CNTNAP2: variants seen among roughly 807,000 people sequenced by gnomAD.
CNTNAP2 encodes contactin-associated protein-like 2.
Under a neutral mutation model 155.2 loss-of-function variants are expected in CNTNAP2, and 98 were observed. The observed-to-expected ratio is 0.63, with a 90% CI of 0.54 to 0.75. The LOEUF (loss-of-function observed/expected upper bound fraction) is 0.75, where lower values mean the gene tolerates loss of function less well. Ranked by LOEUF, CNTNAP2 falls within the 30% of genes least tolerant of loss-of-function variation. CNTNAP2 has a pLI of 0.00. For missense variants in CNTNAP2, 1,727 were observed against 1,688.1 expected (o/e 1.02, Z -0.40); for synonymous variants, 651 against 631.2 (o/e 1.03, Z -0.47).
chr7:146,694,913 A>C (rs1032489177), intron 1 of CNTNAP2, among the ~76,000 whole-genome samples: 52 of 152,222 alleles, frequency 3.4e-4, no homozygotes, highest in African/African-American at 1.2e-3. Context: ...GGTATATAGG[A>C]AAACAACTTT....
At chr7:146,547,520 A>G (rs1270883579) in intron 1 of CNTNAP2, among the ~76,000 whole-genome samples, 1 of 151,850 alleles carries the variant, frequency 6.6e-6, no homozygotes, top group Non-Finnish European at 1.5e-5. Flanking sequence ...CCTGGAAACC[A>G]CCATTATGGT....
At chr7:146,696,363 T>C (rs1214996101) in intron 1 of CNTNAP2, among the ~76,000 whole-genome samples, 1 of 152,204 alleles carries the variant, frequency 6.6e-6, no homozygotes, top group Non-Finnish European at 1.5e-5. Flanking sequence ...ATGAAGTCAA[T>C]GTTAATTACT....
chr7:146,930,493 T>A (rs1796724950), intron 3 of CNTNAP2, among the ~76,000 whole-genome samples: 1 of 152,146 alleles, frequency 6.6e-6, no homozygotes, highest in East Asian at 1.9e-4. Flanking sequence ...CATACCAAAT[T>A]GTAAAGACCA....
intron 1 of CNTNAP2, among the ~76,000 whole-genome samples, chr7:146,306,211 A>C (rs61605902): frequency 5.3e-5 from 8 of 152,082 alleles, no homozygotes; most frequent in Non-Finnish European, 1.0e-4. Flanking sequence ...GAGTTGAATC[A>C]CTGAATAGAC....
chr7:146,962,515 C>A (rs2129230822), intron 3 of CNTNAP2, among the ~76,000 whole-genome samples: 1 of 152,276 alleles, frequency 6.6e-6, no homozygotes, highest in South Asian at 2.1e-4. Flanking sequence ...AGACAAAAAA[C>A]TACAATGAAA....
chr7:147,825,172 A>T (rs959505969), intron 13 of CNTNAP2, among the ~76,000 whole-genome samples: 3 of 152,196 alleles, frequency 2.0e-5, no homozygotes, highest in Admixed American at 2.0e-4. Flanking sequence ...TCTTGTTTCA[A>T]TTTTATATGT....
intron 13 of CNTNAP2, among the ~76,000 whole-genome samples, chr7:147,875,757 A>T (rs1799411457): frequency 6.6e-6 from 1 of 152,148 alleles, no homozygotes; most frequent in Non-Finnish European, 1.5e-5. Flanking sequence ...ATAAATAATT[A>T]TGGTTTTAAA....
intron 1 of CNTNAP2, among the ~76,000 whole-genome samples, chr7:146,148,675 A>G (rs968491358): frequency 5.9e-5 from 9 of 152,298 alleles, no homozygotes; most frequent in African/African-American, 2.2e-4. Flanking sequence ...TGATGAGAAA[A>G]TGATGAACGT....
intron 3 of CNTNAP2, among the ~76,000 whole-genome samples, chr7:147,018,022 A>G (rs1199461240): frequency 6.6e-6 from 1 of 152,068 alleles, no homozygotes; most frequent in Non-Finnish European, 1.5e-5. Flanking sequence ...GCTGACATTT[A>G]TCTGCGGAGA....
At chr7:147,820,176 T>C (rs1400367447) in intron 13 of CNTNAP2, among the ~76,000 whole-genome samples, 1 of 152,132 alleles carries the variant, frequency 6.6e-6, no homozygotes, top group Non-Finnish European at 1.5e-5. Flanking sequence ...GTCAGAGTTT[T>C]AATTTTAATT....
chr7:146,320,095 A>C (rs888604524), intron 1 of CNTNAP2, among the ~76,000 whole-genome samples: 6 of 152,074 alleles, frequency 3.9e-5, no homozygotes, highest in African/African-American at 1.2e-4. Flanking sequence ...CCATTACTGC[A>C]GCAAAAAAAG....
chr7:148,413,401 A>AAAAAAAAAAATATAT (rs1442990213), intron 23 of CNTNAP2, among the ~76,000 whole-genome samples: 3 of 45,356 alleles, frequency 6.6e-5, no homozygotes, highest in Non-Finnish European at 1.3e-4. Flanking sequence ...TCAAAAAAAA[A>AAAAAAAAAAATATAT]ATATATATAT....
At chr7:147,681,441 CT>C (rs1461546314) in intron 13 of CNTNAP2, among the ~76,000 whole-genome samples, 2 of 151,808 alleles carry the variant, frequency 1.3e-5, no homozygotes, top group African/African-American at 4.8e-5. Context: ...CTTTCTGAAA[CT>C]TTTTCCCCCA....
intron 22 of CNTNAP2, among the ~76,000 whole-genome samples, chr7:148,392,988 T>TA (rs1799386741): frequency 6.6e-6 from 1 of 152,244 alleles, no homozygotes; most frequent in Non-Finnish European, 1.5e-5. Context: ...GAAGACCTCT[T>TA]ACCTCCATCG....
chr7:146,888,416 T>C (rs1465551296), intron 3 of CNTNAP2, among the ~76,000 whole-genome samples: 1 of 152,146 alleles, frequency 6.6e-6, no homozygotes, highest in African/African-American at 2.4e-5. Context: ...GATATATTGG[T>C]AACAATTGTA....
At chr7:146,377,103 A>C (rs2129103968) in intron 1 of CNTNAP2, among the ~76,000 whole-genome samples, 1 of 152,308 alleles carries the variant, frequency 6.6e-6, no homozygotes, top group South Asian at 2.1e-4. Flanking sequence ...TTGGCAATGT[A>C]ATGAAACTCA....
chr7:148,229,578 G>A lies in CNTNAP2; in HGVS notation c.3248-68G>A, dbSNP rs554695447. On this transcript the variant is annotated intron_variant, in intron 19 of 23. Coordinates refer to ENST00000361727, the MANE Select transcript of CNTNAP2 (RefSeq NM_014141.6). ...AAGAAAGAATCTAAGAGCAGGAATT[G>A]AGGGGATGTGACATTAAAATGAAAT... is the stretch of plus-strand genomic sequence containing the variant. The A allele has an allele frequency of 3.9e-6, 6 of 1,535,928 alleles. No individual in the cohort carries two copies. In the African/African-American group the frequency reaches 6.8e-5, roughly 17 times the overall value.
At chr7:147,334,101 C>T (rs1368977303) in intron 9 of CNTNAP2, among the ~76,000 whole-genome samples, 2 of 152,146 alleles carry the variant, frequency 1.3e-5, no homozygotes, top group Non-Finnish European at 1.5e-5. Flanking sequence ...ATCTTGACTG[C>T]CATCCCAAAG....
intron 21 of CNTNAP2, among the ~76,000 whole-genome samples, chr7:148,380,947 A>G (rs574692192): frequency 1.2e-4 from 19 of 152,386 alleles, no homozygotes; most frequent in African/African-American, 4.6e-4. Flanking sequence ...TGAATGAGGC[A>G]GGAACTGGAG....
Sources: allele counts gnomAD v4.1 joint callset (sites outside exome capture counted in the v4.1 genomes callset), GRCh38; gene constraint gnomAD v4.1.1; transcripts MANE v1.5; gene names NCBI Gene and HGNC (gene_info 2026-07-23, HGNC 2026-07-21).